The following MBD2 variants were observed in gnomAD, a reference collection of about 807,000 sequenced individuals.
MBD2 encodes methyl-CpG binding domain protein 2.
MBD2 carries 9 observed loss-of-function variants against 39.3 expected under a neutral mutation model. The observed-to-expected ratio is 0.23, with a 90% confidence interval of 0.14 to 0.40. The LOEUF is 0.40. MBD2 is among the 10% of genes least tolerant of loss of function. The probability of loss-of-function intolerance (pLI) is 1.00; values close to 1 mark genes in which losing one functional copy is unlikely to be tolerated. For synonymous variants in MBD2, 233 were observed against 211.1 expected (o/e 1.10, Z -0.90); for missense variants, 458 against 532.6 (o/e 0.86, Z 1.38).
intron 1 of MBD2, among the ~76,000 whole-genome samples, chr18:54,212,317 T>G (rs562728666): frequency 1.2e-4 from 18 of 152,290 alleles, no homozygotes; most frequent in Admixed American, 3.9e-4. Flanking sequence ...AATAGGAATT[T>G]TCTTTCCTCT....
At chr18:54,200,116 C>A (rs1292072894) in intron 2 of MBD2, among the ~76,000 whole-genome samples, 1 of 152,178 alleles carries the variant, frequency 6.6e-6, no homozygotes, top group African/African-American at 2.4e-5. Context: ...AGACTTAACA[C>A]ACAACTGATT....
At chr18:54,178,197 A>G (rs2144298155) in intron 3 of MBD2, among the ~76,000 whole-genome samples, 1 of 152,352 alleles carries the variant, frequency 6.6e-6, no homozygotes, top group African/African-American at 2.4e-5. Context: ...TGCACTATTT[A>G]GAATATGACA....
chr18:54,223,051 C>T (rs2086628695), intron 1 of MBD2, among the ~76,000 whole-genome samples: 2 of 152,220 alleles, frequency 1.3e-5, no homozygotes, highest in South Asian at 4.1e-4. Flanking sequence ...TCCACAAACA[C>T]GTACCTCCAA....
At chr18:54,183,981 A>C (rs899419106) in intron 3 of MBD2, among the ~76,000 whole-genome samples, 1 of 152,182 alleles carries the variant, frequency 6.6e-6, no homozygotes, top group Admixed American at 6.5e-5. Flanking sequence ...GATGGGTAAT[A>C]TAAAAGCTAC....
chr18:54,205,364 G>C (rs976635968), intron 1 of MBD2, among the ~76,000 whole-genome samples: 1 of 151,940 alleles, frequency 6.6e-6, no homozygotes, highest in Non-Finnish European at 1.5e-5. Context: ...CTGAGGTTAG[G>C]AGATCAAGAC....
At position 54,224,217 on chromosome 18, in the gene MBD2, CGCCGCCGCCGCA is replaced by C. The variant is rs1233231855; in HGVS notation, c.331_342del (p.Cys111_Gly114del). On this transcript the variant is annotated inframe_deletion, in exon 1 of 7. Transcript: ENST00000256429. The stretch of plus-strand genomic sequence containing the variant: ...CGGGGGGCGCCGCCGCCACCGCTGC[CGCCGCCGCCGCA>C]GCCGCCGCCGTCGCCGCCAAGGCCG... 14 of 1,080,282 alleles carry C rather than the reference CGCCGCCGCCGCA, an allele frequency of 1.3e-5. No homozygotes were observed. The highest frequency in any genetic ancestry group is 3.6e-5 in the African/African-American group (2 of 55,616). The allele number at this position is 1,080,282 out of a possible 1,614,324, so 66.9% of individuals were successfully genotyped here. A position where few individuals can be genotyped will look rare whatever the true frequency, so the allele number is the denominator to read the frequency against.
intron 4 of MBD2, among the ~76,000 whole-genome samples, chr18:54,165,788 A>C (rs777213053): frequency 8.5e-5 from 13 of 152,274 alleles, no homozygotes; most frequent in Non-Finnish European, 1.9e-4. Context: ...TGCTAAAAGC[A>C]GCACATGGGT....
chr18:54,184,207 C>T (rs1445135282), intron 3 of MBD2, among the ~76,000 whole-genome samples: 2 of 152,012 alleles, frequency 1.3e-5, no homozygotes, highest in African/African-American at 4.8e-5. Flanking sequence ...AGACGGGTAG[C>T]GGTCTGTGGC....
chr18:54,190,410 A>C (rs1290913872), intron 2 of MBD2, among the ~76,000 whole-genome samples: 2 of 152,256 alleles, frequency 1.3e-5, no homozygotes, highest in African/African-American at 4.8e-5. Context: ...TCCCAGCCTG[A>C]GTGAGCGTGA....
chr18:54,223,927 G>A, intron 1 of MBD2, 91 bp downstream of exon 1: 2 of 1,111,250 alleles, frequency 1.8e-6, no homozygotes, highest in East Asian at 3.1e-5. Context: ...CATGCCCCCC[G>A]GGCCCCAGCG....
At chr18:54,177,827 C>CTTTTTT (rs34113185) in intron 3 of MBD2, among the ~76,000 whole-genome samples, 35 of 87,170 alleles carry the variant, frequency 4.0e-4, no homozygotes, top group East Asian at 7.2e-4. Flanking sequence ...TTTTTCCTCT[C>CTTTTTT]TTTTTTTTTT....
chr18:54,201,473 A>C (rs1293597092), intron 2 of MBD2, among the ~76,000 whole-genome samples: 6 of 152,212 alleles, frequency 3.9e-5, no homozygotes, highest in Non-Finnish European at 8.8e-5. Flanking sequence ...TGAAATAGGT[A>C]CTGCAAAAAT....
At chr18:54,189,721 C>T (rs907704263) in intron 2 of MBD2, among the ~76,000 whole-genome samples, 4 of 152,086 alleles carry the variant, frequency 2.6e-5, no homozygotes, top group African/African-American at 7.2e-5. Context: ...ATGATCATGG[C>T]TCACGGCAGC....
Position 54,180,897 on chromosome 18 carries a change from C to CT in MBD2, c.840+7976dup, listed in dbSNP as rs1211071727. 9.5e-3 allele frequency among the ~76,000 whole-genome samples: 1,000 copies of CT among 105,282 alleles called. 53 individuals carry two copies. Among genetic ancestry groups the CT allele is most frequent in the East Asian group, 0.017 (57 of 3,280 alleles). 69.1% of individuals were successfully genotyped at this position (105,282 alleles called of 152,430 possible). On this transcript the variant is annotated intron_variant, in intron 3 of 6. Coordinates refer to ENST00000256429, the MANE Select transcript of MBD2 (RefSeq NM_003927.5). The stretch of plus-strand genomic sequence containing the variant: ...CAGCCTATGTATTCCTTAATTTTTT[C>CT]TTTTTCTTTTTTTTTTTTTTTTTTT...
At chr18:54,155,953 G>A (rs987350107) in intron 6 of MBD2, among the ~76,000 whole-genome samples, 30 of 151,698 alleles carry the variant, frequency 2.0e-4, no homozygotes, top group Admixed American at 1.8e-3. Flanking sequence ...AGTAAATTGC[G>A]GCCTGTTATT....
At chr18:54,168,373 C>G (rs2086151553) in intron 3 of MBD2, among the ~76,000 whole-genome samples, 1 of 151,380 alleles carries the variant, frequency 6.6e-6, no homozygotes, top group Non-Finnish European at 1.5e-5. Flanking sequence ...TAGCTTATAT[C>G]ACATCCTGGT....
intron 3 of MBD2, among the ~76,000 whole-genome samples, chr18:54,176,971 AGTT>A (rs2086216294): frequency 6.6e-6 from 1 of 152,200 alleles, no homozygotes. Flanking sequence ...CGTTTGCTGT[AGTT>A]GTTTGACTAA....
At chr18:54,205,591 C>CAA (rs10719481) in intron 1 of MBD2, among the ~76,000 whole-genome samples, 11 of 90,074 alleles carry the variant, frequency 1.2e-4, no homozygotes, top group South Asian at 3.8e-4. Flanking sequence ...AACTCTATCT[C>CAA]AAAAAAAAAA....
At chr18:54,213,785 T>C (rs1285412052) in intron 1 of MBD2, among the ~76,000 whole-genome samples, 7 of 152,202 alleles carry the variant, frequency 4.6e-5, no homozygotes, top group African/African-American at 4.8e-5. Flanking sequence ...GGATTCATTA[T>C]ACTTTTCCAT....
Sources: gnomAD v4.1 joint callset for allele counts (sites outside exome capture counted in the v4.1 genomes callset) on GRCh38, gnomAD v4.1.1 for gene constraint, MANE v1.5 for transcripts, NCBI Gene and HGNC (gene_info 2026-07-23, HGNC 2026-07-21) for gene names.